MAML3: variants seen among roughly 807,000 people sequenced by gnomAD.
The protein encoded by MAML3 is mastermind like transcriptional coactivator 3.
In MAML3, 27 loss-of-function variants were observed where a neutral mutation model predicts 101.9. That is an observed-to-expected ratio of 0.27 (90% confidence interval 0.20 to 0.37). MAML3 has a LOEUF of 0.37. MAML3 is among the 10% of genes least tolerant of loss of function. The pLI is 1.00. For missense variants in MAML3, 1,316 were observed against 1,444.9 expected, an observed-to-expected ratio of 0.91 and a Z score of 1.45; for synonymous variants, 501 against 555.9, an observed-to-expected ratio of 0.90 and a Z score of 1.39.
At chr4:139,778,201 C>T (rs145871041) in intron 2 of MAML3, among the ~76,000 whole-genome samples, 1,849 of 152,342 alleles carry the variant, frequency 0.012, 25 homozygotes, top group Non-Finnish European at 0.017. Flanking sequence ...TAGGTTGTTA[C>T]TTGCTATCCC....
intron 1 of MAML3, among the ~76,000 whole-genome samples, chr4:140,144,722 A>G (rs1729028789): frequency 6.6e-6 from 1 of 152,180 alleles, no homozygotes; most frequent in South Asian, 2.1e-4. Flanking sequence ...AAGTTCTCCA[A>G]GTTCAGAATA....
At chr4:139,885,170 G>T (rs1732302735) in intron 2 of MAML3, among the ~76,000 whole-genome samples, 1 of 152,152 alleles carries the variant, frequency 6.6e-6, no homozygotes, top group South Asian at 2.1e-4. Context: ...GGAAGCCAAG[G>T]CAGGAAGATC....
At position 139,873,882 on chromosome 4, in the gene MAML3, A is replaced by G. The variant is rs1732060142; in HGVS notation, c.2079+15475T>C. Among the ~76,000 whole-genome samples the G allele has an allele frequency of 2.0e-5, 3 of 152,156 alleles. No homozygotes were observed. In the South Asian group the frequency reaches 6.2e-4, roughly 32 times the overall value. ...CCTTGAAAACCATGTAAGATAATAA[A>G]TGTTTGTTGTTTGAAGTGGCTATGT... On this transcript the variant is annotated intron_variant, in intron 2 of 4. Transcript: ENST00000509479.
chr4:139,740,533 A>C (rs1471102459), intron 2 of MAML3: 1 of 152,044 alleles, frequency 6.6e-6, no homozygotes, highest in Non-Finnish European at 1.5e-5. Flanking sequence ...GCTGCTAGGG[A>C]GATTTTTTTC....
intron 1 of MAML3, among the ~76,000 whole-genome samples, chr4:139,900,783 G>A (rs12644545): frequency 0.12 from 17,936 of 152,174 alleles, 1,509 homozygotes; most frequent in Admixed American, 0.21. Flanking sequence ...CACAGAAGTT[G>A]ACTCACTGCT....
intron 1 of MAML3, among the ~76,000 whole-genome samples, chr4:140,145,253 C>T (rs191510446): frequency 3.8e-4 from 58 of 152,246 alleles, no homozygotes; most frequent in Non-Finnish European, 2.8e-4. Context: ...GGTGGAGGGT[C>T]CATAAACATG....
At chr4:139,803,830 G>A (rs1208734136) in intron 2 of MAML3, among the ~76,000 whole-genome samples, 3 of 152,172 alleles carry the variant, frequency 2.0e-5, no homozygotes, top group Non-Finnish European at 4.4e-5. Context: ...AGGAAACTGA[G>A]GTCAGAGTTG....
At chr4:139,788,759 A>G (rs1343435826) in intron 2 of MAML3, among the ~76,000 whole-genome samples, 1 of 152,220 alleles carries the variant, frequency 6.6e-6, no homozygotes, top group South Asian at 2.1e-4. Flanking sequence ...TTTTGTTCCT[A>G]GAACAGAAGT....
chr4:140,059,687 C>T (rs1332958212), intron 1 of MAML3, among the ~76,000 whole-genome samples: 2 of 152,080 alleles, frequency 1.3e-5, no homozygotes, highest in Admixed American at 6.5e-5. Flanking sequence ...TAGCATATTC[C>T]TCACTGAGAG....
chr4:139,929,100 G>A (rs917606999), intron 1 of MAML3, among the ~76,000 whole-genome samples: 2 of 152,150 alleles, frequency 1.3e-5, no homozygotes, highest in African/African-American at 4.8e-5. Flanking sequence ...TAAGCAAGAC[G>A]GTGGGAAAGT....
chr4:140,127,033 C>T (rs897769850), intron 1 of MAML3, among the ~76,000 whole-genome samples: 4 of 152,146 alleles, frequency 2.6e-5, no homozygotes, highest in African/African-American at 7.2e-5. Flanking sequence ...ACCTATCTTT[C>T]GTATGGTCAT....
chr4:139,720,446 A>G (rs1728190119), intron 4 of MAML3, 123 bp from the exon 5 acceptor site: 1 of 813,270 alleles, frequency 1.2e-6, no homozygotes, highest in African/African-American at 1.7e-5. Context: ...TACTCTGATA[A>G]TAAATCTGTA....
chr4:139,975,087 C>T (rs1281498365), intron 1 of MAML3, among the ~76,000 whole-genome samples: 1 of 152,120 alleles, frequency 6.6e-6, no homozygotes, highest in Non-Finnish European at 1.5e-5. Flanking sequence ...TCACACCATT[C>T]TCTTCTCAGA....
At chr4:140,032,678 T>C (rs1337336852) in intron 1 of MAML3, among the ~76,000 whole-genome samples, 1 of 152,166 alleles carries the variant, frequency 6.6e-6, no homozygotes, top group African/African-American at 2.4e-5. Flanking sequence ...TTTGGCAGTA[T>C]GTTACCAAAA....
At chr4:139,825,875 AAG>A (rs1040172384) in intron 2 of MAML3, among the ~76,000 whole-genome samples, 2 of 152,084 alleles carry the variant, frequency 1.3e-5, no homozygotes, top group African/African-American at 4.8e-5. Flanking sequence ...GTGAAGGGAG[AAG>A]AGAGGAGGCA....
chr4:139,887,833 G>A (rs1732373242), intron 2 of MAML3, among the ~76,000 whole-genome samples: 1 of 152,156 alleles, frequency 6.6e-6, no homozygotes, highest in African/African-American at 2.4e-5. Context: ...AAACATTCAT[G>A]TATATTGCCT....
chr4:139,985,719 G>C (rs1207918954), intron 1 of MAML3, among the ~76,000 whole-genome samples: 3 of 152,234 alleles, frequency 2.0e-5, no homozygotes, highest in Non-Finnish European at 2.9e-5. Context: ...CCATGGAAAG[G>C]CTCCTTCAGA....
intron 1 of MAML3, among the ~76,000 whole-genome samples, chr4:139,974,516 T>C (rs939629135): frequency 3.3e-5 from 5 of 152,218 alleles, no homozygotes; most frequent in Non-Finnish European, 7.3e-5. Flanking sequence ...ACTTATAATT[T>C]CATTGAGAAA....
intron 1 of MAML3, among the ~76,000 whole-genome samples, chr4:140,068,838 A>T (rs1727582746): frequency 6.6e-6 from 1 of 152,194 alleles, no homozygotes; most frequent in Non-Finnish European, 1.5e-5. Context: ...ACTCTCTAGT[A>T]CATAGTAAGC....
Sources: allele counts gnomAD v4.1 joint callset (sites outside exome capture counted in the v4.1 genomes callset), GRCh38; gene constraint gnomAD v4.1.1; transcripts MANE v1.5; gene names NCBI Gene and HGNC (gene_info 2026-07-23, HGNC 2026-07-21).